AGBL4: variants seen among roughly 807,000 people sequenced by gnomAD.
AGBL4 encodes the protein cytosolic carboxypeptidase 6.
A neutral mutation model predicts 66.4 loss-of-function variants in AGBL4; 58 were observed. That is an observed-to-expected ratio of 0.87 (90% CI 0.71 to 1.09). The LOEUF is 1.09. AGBL4 is among the 50% of genes least tolerant of loss of function. AGBL4 has a pLI of 0.00. For missense variants in AGBL4, 579 were observed against 631.0 expected, an observed-to-expected ratio of 0.92 and a Z score of 0.88; for synonymous variants, 234 against 222.9, an observed-to-expected ratio of 1.05 and a Z score of -0.44.
At chr1:49,964,520 T>C (rs1302049246) in intron 1 of AGBL4, among the ~76,000 whole-genome samples, 1 of 152,170 alleles carries the variant, frequency 6.6e-6, no homozygotes, top group Non-Finnish European at 1.5e-5. Flanking sequence ...AGGTGGCTAA[T>C]ATTATAATCA....
chr1:49,999,774 A>G (rs1660617833), intron 1 of AGBL4, among the ~76,000 whole-genome samples: 2 of 152,218 alleles, frequency 1.3e-5, no homozygotes, highest in East Asian at 1.9e-4. Flanking sequence ...ATCCATATAC[A>G]TATAGCCAAC....
At chr1:49,340,825 G>A (rs1440088604) in intron 3 of AGBL4, among the ~76,000 whole-genome samples, 1 of 152,136 alleles carries the variant, frequency 6.6e-6, no homozygotes, top group Non-Finnish European at 1.5e-5. Context: ...ACTGACCAGG[G>A]CCAGGACTTA....
At chr1:49,148,826 A>T (rs1245513046) in intron 4 of AGBL4, among the ~76,000 whole-genome samples, 2 of 152,192 alleles carry the variant, frequency 1.3e-5, no homozygotes, top group African/African-American at 4.8e-5. Flanking sequence ...GAAGGCCCAG[A>T]ACTTATGGTT....
chr1:49,453,383 C>G (rs1369387553), intron 3 of AGBL4, among the ~76,000 whole-genome samples: 1 of 151,752 alleles, frequency 6.6e-6, no homozygotes, highest in Non-Finnish European at 1.5e-5. Flanking sequence ...AATAGAACTA[C>G]CCAGCTACCA....
chr1:49,161,351 C>T (rs114608927), intron 4 of AGBL4, among the ~76,000 whole-genome samples: 1,816 of 152,210 alleles, frequency 0.012, 30 homozygotes, highest in African/African-American at 0.042. Flanking sequence ...GATGCCCCGC[C>T]CTGCTTTGGG....
chr1:49,600,764 T>G (rs892472748), intron 3 of AGBL4, among the ~76,000 whole-genome samples: 1 of 152,202 alleles, frequency 6.6e-6, no homozygotes, highest in Non-Finnish European at 1.5e-5. Context: ...TTCCTTTACA[T>G]GTTTAGTGCT....
At chr1:50,018,617 C>T (rs1662169802) in intron 1 of AGBL4, among the ~76,000 whole-genome samples, 1 of 152,054 alleles carries the variant, frequency 6.6e-6, no homozygotes, top group Non-Finnish European at 1.5e-5. Flanking sequence ...AAAATATTCA[C>T]ATCCTCTGAC....
At chr1:49,863,072 A>G (rs1372422411) in intron 1 of AGBL4, among the ~76,000 whole-genome samples, 1 of 152,212 alleles carries the variant, frequency 6.6e-6, no homozygotes. Flanking sequence ...GCAAAACAGC[A>G]TGGTACTGAC....
chr1:49,968,869 T>C (rs1170656943), intron 1 of AGBL4, among the ~76,000 whole-genome samples: 3 of 152,234 alleles, frequency 2.0e-5, no homozygotes, highest in Non-Finnish European at 4.4e-5. Context: ...TGACACTGTA[T>C]AACTAGCTCT....
intron 5 of AGBL4, among the ~76,000 whole-genome samples, chr1:48,970,630 G>A (rs1306847975): frequency 6.6e-6 from 1 of 152,118 alleles, no homozygotes; most frequent in African/African-American, 2.4e-5. Flanking sequence ...TAAAAAATCT[G>A]AAAGGTTTCA....
At chr1:48,583,241 T>C (rs929727863) in intron 11 of AGBL4, among the ~76,000 whole-genome samples, 1 of 152,226 alleles carries the variant, frequency 6.6e-6, no homozygotes, top group African/African-American at 2.4e-5. Flanking sequence ...GCCCTATCTA[T>C]CTTCTTTCAC....
intron 5 of AGBL4, among the ~76,000 whole-genome samples, chr1:48,894,008 G>A (rs1334019561): frequency 6.6e-6 from 1 of 152,210 alleles, no homozygotes; most frequent in Non-Finnish European, 1.5e-5. Flanking sequence ...CTTTCATCAT[G>A]TACTGGCCAC....
intron 3 of AGBL4, among the ~76,000 whole-genome samples, chr1:49,263,733 C>CTTGACAATAAAGATGT (rs1553174116): frequency 6.6e-6 from 1 of 152,072 alleles, no homozygotes; most frequent in Non-Finnish European, 1.5e-5. Context: ...TAGAGGGGTA[C>CTTGACAATAAAGATGT]TTGACAATAA....
chr1:49,672,620 C>A (rs1368314794), intron 3 of AGBL4, among the ~76,000 whole-genome samples: 1 of 151,756 alleles, frequency 6.6e-6, no homozygotes, highest in Admixed American at 6.6e-5. Flanking sequence ...CAAAATGTGG[C>A]TCTTTGAAAA....
At chr1:49,086,264 C>T (rs1571411654) in intron 4 of AGBL4, among the ~76,000 whole-genome samples, 1 of 152,166 alleles carries the variant, frequency 6.6e-6, no homozygotes. Flanking sequence ...GGCAACCTTG[C>T]CCATTCCCAT....
At chr1:48,678,150 CCTT>C (rs1235149995) in intron 6 of AGBL4, among the ~76,000 whole-genome samples, 1 of 152,174 alleles carries the variant, frequency 6.6e-6, no homozygotes, top group East Asian at 1.9e-4. Context: ...GATGGTCAGG[CCTT>C]CTCAGCACAG....
chr1:49,519,392 C>T (rs1650080859), intron 3 of AGBL4, among the ~76,000 whole-genome samples: 1 of 152,020 alleles, frequency 6.6e-6, no homozygotes, highest in Admixed American at 6.5e-5. Flanking sequence ...AATATTATCA[C>T]TTTAGTCTGT....
chr1:49,263,863 T>C (rs968035239), intron 3 of AGBL4, among the ~76,000 whole-genome samples: 4 of 152,086 alleles, frequency 2.6e-5, no homozygotes, highest in African/African-American at 4.8e-5. Flanking sequence ...TCATTTATAA[T>C]AGGAAAACAA....
At position 48,639,295 on chromosome 1, in the gene AGBL4, A is replaced by T. The variant is rs1232233174; in HGVS notation, c.840-4691T>A. Reference sequence around the variant, plus strand: ...AAATGAATGCTTCTAATGGCACTCAATCTATCAGTAGATAAGTATTTACTG... The same window carrying T: ...AAATGAATGCTTCTAATGGCACTCATTCTATCAGTAGATAAGTATTTACTG... On this transcript the variant is annotated intron_variant, in intron 8 of 13. Transcript: ENST00000371839. 2.0e-5 allele frequency among the ~76,000 whole-genome samples: 3 copies of T among 152,350 alleles called. No individual in the cohort carries two copies. In the South Asian group the frequency reaches 6.2e-4, roughly 32 times the overall value.
Sources: gnomAD v4.1 joint callset for allele counts (sites outside exome capture counted in the v4.1 genomes callset) on GRCh38, gnomAD v4.1.1 for gene constraint, MANE v1.5 for transcripts, NCBI Gene and HGNC (gene_info 2026-07-23, HGNC 2026-07-21) for gene names.